Variants in SUPT3H observed in about 807,000 individuals in gnomAD.
SUPT3H encodes SPT3 homolog, SAGA and STAGA complex component.
Under a neutral mutation model 44.3 loss-of-function variants are expected in SUPT3H, and 44 were observed. The observed-to-expected ratio is 0.99, with a 90% CI of 0.78 to 1.28. SUPT3H has a LOEUF of 1.28. SUPT3H is among the 50% of genes most tolerant of loss of function. The pLI, the probability that SUPT3H is intolerant of heterozygous loss-of-function variation, is 0.00. For missense variants in SUPT3H, 380 were observed against 387.1 expected, an observed-to-expected ratio of 0.98 and a Z score of 0.15; for synonymous variants, 124 against 125.6, an observed-to-expected ratio of 0.99 and a Z score of 0.09.
At chr6:44,816,888 A>G (rs1011501142) in intron 11 of SUPT3H, among the ~76,000 whole-genome samples, 9 of 133,662 alleles carry the variant, frequency 6.7e-5, no homozygotes, top group Non-Finnish European at 1.5e-4. Context: ...CCCTGTCACT[A>G]CAAAATAAAA....
At chr6:45,279,269 A>C (rs532274993) in intron 2 of SUPT3H, among the ~76,000 whole-genome samples, 1 of 152,222 alleles carries the variant, frequency 6.6e-6, no homozygotes, top group Non-Finnish European at 1.5e-5. Context: ...ATATTTAGGG[A>C]CAATGTAAAA....
intron 3 of SUPT3H, among the ~76,000 whole-genome samples, chr6:45,079,956 C>T (rs1009444050): frequency 7.2e-5 from 11 of 152,122 alleles, no homozygotes; most frequent in Non-Finnish European, 1.5e-4. Flanking sequence ...AATGAGATTA[C>T]ATCAAATTGC....
chr6:44,920,353 C>G (rs1280612104), intron 10 of SUPT3H, among the ~76,000 whole-genome samples: 1 of 151,960 alleles, frequency 6.6e-6, no homozygotes, highest in Non-Finnish European at 1.5e-5. Context: ...AGGAGGATTG[C>G]TTGAGGCCAG....
At chr6:45,084,459 C>G (rs1796232110) in intron 3 of SUPT3H, among the ~76,000 whole-genome samples, 1 of 151,746 alleles carries the variant, frequency 6.6e-6, no homozygotes, top group African/African-American at 2.4e-5. Context: ...TCATACCAAT[C>G]AAAATAACAT....
At chr6:44,907,671 CTG>C (rs1766328063) in intron 10 of SUPT3H, among the ~76,000 whole-genome samples, 1 of 152,094 alleles carries the variant, frequency 6.6e-6, no homozygotes, top group Admixed American at 6.5e-5. Flanking sequence ...CAGTGAGACT[CTG>C]TCTCAAAAAA....
At chr6:45,055,350 G>A (rs1163617635) in intron 3 of SUPT3H, among the ~76,000 whole-genome samples, 1 of 152,028 alleles carries the variant, frequency 6.6e-6, no homozygotes, top group Non-Finnish European at 1.5e-5. Context: ...CAAAAAGAAG[G>A]CTGCATAGAC....
intron 3 of SUPT3H, among the ~76,000 whole-genome samples, chr6:45,050,450 GAA>G (rs35488722): frequency 1.3e-4 from 20 of 150,294 alleles, no homozygotes; most frequent in Non-Finnish European, 2.1e-4. Context: ...GAAAGGCAAA[GAA>G]AAAAAAAACC....
intron 10 of SUPT3H, among the ~76,000 whole-genome samples, chr6:44,901,947 A>G (rs935246453): frequency 2.6e-5 from 4 of 152,174 alleles, no homozygotes; most frequent in African/African-American, 9.7e-5. Context: ...AAGGAGAAAT[A>G]AAATCCTTTA....
intron 10 of SUPT3H, among the ~76,000 whole-genome samples, chr6:44,887,933 G>T (rs1203421457): frequency 2.0e-5 from 3 of 151,786 alleles, no homozygotes; most frequent in Admixed American, 1.3e-4. Flanking sequence ...ATGATAAAGG[G>T]GATATCACCA....
At chr6:45,273,239 A>AT (rs1349211627) in intron 2 of SUPT3H, among the ~76,000 whole-genome samples, 2 of 152,120 alleles carry the variant, frequency 1.3e-5, no homozygotes, top group African/African-American at 2.4e-5. Context: ...AACAAGATAC[A>AT]TTTTTTCCTT....
intron 2 of SUPT3H, among the ~76,000 whole-genome samples, chr6:45,339,434 A>T (rs2150125515): frequency 6.6e-6 from 1 of 152,334 alleles, no homozygotes; most frequent in South Asian, 2.1e-4. Context: ...AAAATATATT[A>T]ATTCCAAATT....
intron 6 of SUPT3H, among the ~76,000 whole-genome samples, chr6:44,986,614 C>T (rs1166826148): frequency 6.6e-6 from 1 of 152,046 alleles, no homozygotes; most frequent in African/African-American, 2.4e-5. Flanking sequence ...CCCAAAGGTT[C>T]ACTGGTTCGC....
chr6:45,010,356 C>T (rs1419860371), intron 5 of SUPT3H, among the ~76,000 whole-genome samples: 1 of 151,992 alleles, frequency 6.6e-6, no homozygotes, highest in African/African-American at 2.4e-5. Flanking sequence ...CTGGCTAAAA[C>T]CTTCAGTACA....
intron 2 of SUPT3H, among the ~76,000 whole-genome samples, chr6:45,180,552 G>C (rs1200982256): frequency 6.7e-6 from 1 of 149,524 alleles, no homozygotes; most frequent in Non-Finnish European, 1.5e-5. Context: ...AGAGCCCTCA[G>C]AAATAACACC....
chr6:45,050,560 T>C (rs1378426910), intron 3 of SUPT3H, among the ~76,000 whole-genome samples: 1 of 152,106 alleles, frequency 6.6e-6, no homozygotes, highest in East Asian at 1.9e-4. Flanking sequence ...AAATTACAAT[T>C]ACTAAAATGT....
chr6:45,105,068 ACC>A (rs1799086439), intron 3 of SUPT3H, among the ~76,000 whole-genome samples: 1 of 152,000 alleles, frequency 6.6e-6, no homozygotes, highest in African/African-American at 2.4e-5. Flanking sequence ...CATATACTAA[ACC>A]CTTAGTATAG....
intron 2 of SUPT3H, among the ~76,000 whole-genome samples, chr6:45,209,453 T>G (rs2153629779): frequency 6.6e-6 from 1 of 152,258 alleles, no homozygotes; most frequent in Middle Eastern, 3.4e-3. Flanking sequence ...TGGATAACTT[T>G]TAGGGATTCA....
chr6:45,131,949 A>G (rs573925675), intron 2 of SUPT3H, among the ~76,000 whole-genome samples: 1 of 152,342 alleles, frequency 6.6e-6, no homozygotes, highest in East Asian at 1.9e-4. Context: ...AATCCTAAAC[A>G]TACATTGTTT....
chr6:45,106,058 G>T, intron 2 of SUPT3H, 52 bp from the exon 3 acceptor site: 1 of 1,388,830 alleles, frequency 7.2e-7, no homozygotes, highest in Non-Finnish European at 1.0e-6. Context: ...AACTAAGAAA[G>T]GCAAAAAGTG....
Sources: gnomAD v4.1 joint callset for allele counts (sites outside exome capture counted in the v4.1 genomes callset) on GRCh38, gnomAD v4.1.1 for gene constraint, MANE v1.5 for transcripts, NCBI Gene and HGNC (gene_info 2026-07-23, HGNC 2026-07-21) for gene names.